The following BCR variants were observed in gnomAD, a reference collection of about 807,000 sequenced individuals.
BCR encodes the protein BCR activator of RhoGEF and GTPase.
A neutral mutation model predicts 138.6 loss-of-function variants in BCR; 58 were observed. The observed-to-expected ratio is 0.42, with a 90% CI of 0.34 to 0.52. The LOEUF is 0.52. Ranked by LOEUF, BCR falls within the 20% of genes least tolerant of loss-of-function variation. The pLI, the probability that BCR is intolerant of heterozygous loss-of-function variation, is 0.06. For missense variants in BCR, 1,599 were observed against 1,727.2 expected (o/e 0.93, Z 1.32); for synonymous variants, 786 against 730.1 (o/e 1.08, Z -1.23).
In BCR at chr22:23,287,139, G is replaced by T. The variant is rs2073723704; in HGVS notation, c.2407-20G>T. On this transcript the variant is annotated intron_variant, in intron 10 of 22. Transcript: ENST00000305877. ...TGGAGCGCTGGAATGGGAAGGTGAG[G>T]CTGTGGCATCTCCCCACAGAGGGCG... is the stretch of plus-strand genomic sequence containing the variant. 1.9e-6 allele frequency: 3 copies of T among 1,572,782 alleles called. No homozygotes were observed. The highest frequency in any genetic ancestry group is 2.7e-5 in the African/African-American group (2 of 74,182).
At chr22:23,254,275 C>T (rs888297056) in intron 2 of BCR, among the ~76,000 whole-genome samples, 2 of 151,976 alleles carry the variant, frequency 1.3e-5, no homozygotes, top group African/African-American at 4.8e-5. Flanking sequence ...TGCGTGGTGG[C>T]GCCGGCAACA....
At chr22:23,185,530 T>C (rs2072329617) in intron 1 of BCR, among the ~76,000 whole-genome samples, 2 of 151,440 alleles carry the variant, frequency 1.3e-5, no homozygotes, top group Non-Finnish European at 2.9e-5. Flanking sequence ...CCGGGTGTGG[T>C]GGCCGGCGCC....
At chr22:23,193,183 G>A (rs189501983) in intron 1 of BCR, among the ~76,000 whole-genome samples, 33 of 152,372 alleles carry the variant, frequency 2.2e-4, no homozygotes, top group Non-Finnish European at 5.9e-5. Context: ...AGTAGGGAGA[G>A]ATTTTCTGCA....
rs56805241 is a variant in BCR, at chr22:23,304,099, ATTTTTT to A, written c.3013-5306_3013-5301del. On this transcript the variant is annotated intron_variant, in intron 16 of 22. Transcript: ENST00000305877. ...CAGGCATGCGCCACCATGCCAGGCT[ATTTTTT>A]TTTTTTTTTTTTTTTTTTGAGACAA... Among the ~76,000 whole-genome samples, 147 of 102,178 alleles carry A rather than the reference ATTTTTT, an allele frequency of 1.4e-3. 2 individuals are homozygous for A. Among genetic ancestry groups the A allele is most frequent in the African/African-American group, 4.7e-3 (120 of 25,280 alleles). The allele number at this position is 102,178 out of a possible 152,430, so 67.0% of individuals were successfully genotyped here.
intron 1 of BCR, among the ~76,000 whole-genome samples, chr22:23,205,294 A>G (rs1029322278): frequency 4.6e-5 from 7 of 152,224 alleles, no homozygotes; most frequent in Non-Finnish European, 1.0e-4. Context: ...GTGGGGGTAC[A>G]GATGCCTCAG....
intron 1 of BCR, among the ~76,000 whole-genome samples, chr22:23,185,370 A>G (rs2072326121): frequency 6.6e-6 from 1 of 152,082 alleles, no homozygotes; most frequent in South Asian, 2.1e-4. Flanking sequence ...CTGCTGTAAA[A>G]CTATGCAGAA....
chr22:23,199,425 C>T (rs962883019), intron 1 of BCR: 4 of 436,288 alleles, frequency 9.2e-6, no homozygotes, highest in African/African-American at 4.1e-5. Flanking sequence ...GCAAGGAAGT[C>T]TGGGAAGGTT....
chr22:23,295,596 G>A (rs1456664285), intron 16 of BCR, among the ~76,000 whole-genome samples: 2 of 152,096 alleles, frequency 1.3e-5, no homozygotes, highest in Non-Finnish European at 2.9e-5. Context: ...CTGTGGTCTA[G>A]ACCCAATTTC....
chr22:23,251,943 G>A (rs2073232724), intron 1 of BCR, among the ~76,000 whole-genome samples: 2 of 152,224 alleles, frequency 1.3e-5, no homozygotes, highest in Admixed American at 6.5e-5. Context: ...ACAGGCCATG[G>A]AGGAGCTCCA....
At chr22:23,252,104 C>T (rs1235985021) in intron 1 of BCR, among the ~76,000 whole-genome samples, 5 of 152,230 alleles carry the variant, frequency 3.3e-5, no homozygotes, top group African/African-American at 1.2e-4. Flanking sequence ...GGATAAGCCA[C>T]TCTGTCCTCC....
At chr22:23,223,310 A>T (rs962116918) in intron 1 of BCR, among the ~76,000 whole-genome samples, 3 of 152,130 alleles carry the variant, frequency 2.0e-5, no homozygotes, top group African/African-American at 7.2e-5. Context: ...TTGTATGTGC[A>T]CACTTGTGTG....
At chr22:23,211,309 T>G (rs993393136) in intron 1 of BCR, among the ~76,000 whole-genome samples, 3 of 151,986 alleles carry the variant, frequency 2.0e-5, no homozygotes, top group East Asian at 3.9e-4. Flanking sequence ...ACCATTCTCC[T>G]GCCTCAGCCT....
At chr22:23,248,676 C>T (rs926723186) in intron 1 of BCR, among the ~76,000 whole-genome samples, 1 of 152,166 alleles carries the variant, frequency 6.6e-6, no homozygotes. Context: ...CCACACCAAC[C>T]CTGGGCTGTC....
At chr22:23,198,776 A>G (rs539308792) in intron 1 of BCR, among the ~76,000 whole-genome samples, 7 of 152,284 alleles carry the variant, frequency 4.6e-5, no homozygotes, top group Admixed American at 1.3e-4. Context: ...GAGCAGTTGC[A>G]TGGGCCCGCC....
intron 16 of BCR, among the ~76,000 whole-genome samples, chr22:23,297,237 T>C (rs552682446): frequency 1.7e-4 from 24 of 137,778 alleles, no homozygotes; most frequent in African/African-American, 6.1e-4. Flanking sequence ...TTTTTTTTTT[T>C]CGAGACAGAG....
At chr22:23,211,478 G>GT (rs112765167) in intron 1 of BCR, among the ~76,000 whole-genome samples, 3 of 150,540 alleles carry the variant, frequency 2.0e-5, no homozygotes, top group African/African-American at 7.3e-5. Context: ...GATTACAGAC[G>GT]TGACCACTGC....
At chr22:23,291,592 G>A (rs374190498) in intron 14 of BCR, among the ~76,000 whole-genome samples, 10 of 151,978 alleles carry the variant, frequency 6.6e-5, no homozygotes, top group South Asian at 2.1e-4. Flanking sequence ...ACGCTGCCCC[G>A]TGGTCCCGGG....
intron 8 of BCR, among the ~76,000 whole-genome samples, chr22:23,277,999 C>T (rs965448717): frequency 6.6e-6 from 1 of 152,178 alleles, no homozygotes; most frequent in Non-Finnish European, 1.5e-5. Context: ...CAAAGGATCC[C>T]GCAGGCACAG....
rs1285623067 is a variant in BCR at position 23,181,525 on chromosome 22, G to A, written c.565G>A (p.Val189Met). ...NVEFHHERGL[V>M]KVNDKEVSDR... ...CGAGTTTCACCACGAGCGCGGCCTG[G>A]TGAAGGTCAACGACAAAGAGGTGTC... Residue 189 changes from valine (V) to methionine (M), a missense_variant, in exon 1 of 23, where the codon GTG (valine) becomes ATG (methionine). By Grantham distance (21) the Val-to-Met change is conservative. Transcript: ENST00000305877. 1 of 1,612,910 alleles carries A rather than the reference G, an allele frequency of 6.2e-7. No homozygotes were observed. The highest frequency in any genetic ancestry group is 1.1e-5 in the South Asian group (1 of 91,082).
Sources: gnomAD v4.1 joint callset for allele counts (sites outside exome capture counted in the v4.1 genomes callset) on GRCh38, gnomAD v4.1.1 for gene constraint, MANE v1.5 for transcripts, NCBI Gene and HGNC (gene_info 2026-07-23, HGNC 2026-07-21) for gene names.